The following PLCB1 variants were observed in gnomAD, a reference collection of about 807,000 sequenced individuals.
PLCB1 encodes 1-phosphatidylinositol 4,5-bisphosphate phosphodiesterase beta-1.
In PLCB1, 46 loss-of-function variants were observed where a neutral mutation model predicts 161.8. The ratio of observed to expected loss-of-function variants is 0.28; its 90% CI spans 0.22 to 0.36. The LOEUF is 0.36. PLCB1 is among the 10% of genes least tolerant of loss of function. The probability of loss-of-function intolerance (pLI) is 1.00; values close to 1 mark genes in which losing one functional copy is unlikely to be tolerated. For synonymous variants in PLCB1, 517 were observed against 503.7 expected, an observed-to-expected ratio of 1.03 and a Z score of -0.35; for missense variants, 1,016 against 1,472.5, an observed-to-expected ratio of 0.69 and a Z score of 5.07.
At chr20:8,424,811 A>C (rs1979680734) in intron 3 of PLCB1, among the ~76,000 whole-genome samples, 1 of 152,178 alleles carries the variant, frequency 6.6e-6, no homozygotes, top group African/African-American at 2.4e-5. Flanking sequence ...AGCAGAGCAA[A>C]GAAAGAATGA....
chr20:8,209,853 C>A (rs1414982653), intron 2 of PLCB1, among the ~76,000 whole-genome samples: 1 of 152,010 alleles, frequency 6.6e-6, no homozygotes, highest in Non-Finnish European at 1.5e-5. Flanking sequence ...ACACTTTAGC[C>A]ACTTCAATTT....
chr20:8,810,162 A>T (rs2146250927), intron 31 of PLCB1, among the ~76,000 whole-genome samples: 1 of 152,300 alleles, frequency 6.6e-6, no homozygotes, highest in Non-Finnish European at 1.5e-5. Context: ...AGTTGCTCAG[A>T]CTTTGAAAAT....
At chr20:8,620,103 C>T (rs1196295946) in intron 3 of PLCB1, among the ~76,000 whole-genome samples, 3 of 152,152 alleles carry the variant, frequency 2.0e-5, no homozygotes, top group Admixed American at 2.0e-4. Context: ...TGCCTGGTCA[C>T]CTTACAGCAT....
At chr20:8,522,391 G>A (rs1162786563) in intron 3 of PLCB1, among the ~76,000 whole-genome samples, 1 of 152,076 alleles carries the variant, frequency 6.6e-6, no homozygotes, top group Admixed American at 6.6e-5. Flanking sequence ...ATTCTGGCCT[G>A]TGGTTACGCT....
intron 4 of PLCB1, among the ~76,000 whole-genome samples, chr20:8,639,909 T>C: frequency 6.8e-6 from 1 of 146,994 alleles, no homozygotes. Context: ...AAAAAAAAAC[T>C]GTGTTTAAGA....
chr20:8,355,914 T>A (rs1456672678), intron 2 of PLCB1, among the ~76,000 whole-genome samples: 1 of 152,204 alleles, frequency 6.6e-6, no homozygotes, highest in African/African-American at 2.4e-5. Flanking sequence ...AAGAAATCAC[T>A]AGAGTCTCAG....
chr20:8,838,390 G>A (rs1259821042), intron 31 of PLCB1, among the ~76,000 whole-genome samples: 4 of 152,170 alleles, frequency 2.6e-5, no homozygotes, highest in South Asian at 2.1e-4. Flanking sequence ...TTTCACTGTG[G>A]TCCACCAGGC....
At chr20:8,726,495 T>C (rs1368692959) in intron 16 of PLCB1, among the ~76,000 whole-genome samples, 1 of 152,008 alleles carries the variant, frequency 6.6e-6, no homozygotes, top group Non-Finnish European at 1.5e-5. Flanking sequence ...TGGGGAGACC[T>C]CAGGAAACAA....
At chr20:8,139,850 C>A (rs1457852962) in intron 1 of PLCB1, among the ~76,000 whole-genome samples, 1 of 152,168 alleles carries the variant, frequency 6.6e-6, no homozygotes, top group African/African-American at 2.4e-5. Context: ...ATCTGGACTT[C>A]TAAAGCTACA....
At chr20:8,780,113 A>G (rs1983139266) in intron 27 of PLCB1, among the ~76,000 whole-genome samples, 1 of 152,178 alleles carries the variant, frequency 6.6e-6, no homozygotes, top group Non-Finnish European at 1.5e-5. Context: ...GTTTTTCATC[A>G]ACTGCTACTG....
chr20:8,785,668 G>C (rs1381978040), intron 27 of PLCB1, among the ~76,000 whole-genome samples: 2 of 152,148 alleles, frequency 1.3e-5, no homozygotes, highest in Non-Finnish European at 2.9e-5. Flanking sequence ...ACTGACAGTG[G>C]TGTGGAGCCT....
chr20:8,806,675 A>G (rs1398952749), intron 31 of PLCB1, among the ~76,000 whole-genome samples: 2 of 152,188 alleles, frequency 1.3e-5, no homozygotes, highest in African/African-American at 4.8e-5. Context: ...GAGGAGTTAG[A>G]GTACACGTTG....
intron 2 of PLCB1, among the ~76,000 whole-genome samples, chr20:8,266,942 G>A (rs984231260): frequency 3.9e-5 from 6 of 151,908 alleles, no homozygotes; most frequent in Admixed American, 3.9e-4. Context: ...GGGATGCTGA[G>A]GCAAGAATCG....
intron 3 of PLCB1, among the ~76,000 whole-genome samples, chr20:8,580,445 T>C (rs912039232): frequency 3.3e-5 from 5 of 152,218 alleles, no homozygotes; most frequent in African/African-American, 1.2e-4. Context: ...GTTAACTTCT[T>C]GCTATACTGT....
intron 3 of PLCB1, among the ~76,000 whole-genome samples, chr20:8,493,240 C>G (rs1054053376): frequency 6.6e-6 from 1 of 152,086 alleles, no homozygotes; most frequent in African/African-American, 2.4e-5. Context: ...CATTTCTGGT[C>G]ATCAAGGGCA....
chr20:8,468,958 A>C (rs6055835), intron 3 of PLCB1, among the ~76,000 whole-genome samples: 4,926 of 152,186 alleles, frequency 0.032, 260 homozygotes, highest in African/African-American at 0.11. Context: ...AGGGTACATT[A>C]GAGTCACCTA....
intron 2 of PLCB1, among the ~76,000 whole-genome samples, chr20:8,316,849 G>T (rs905476599): frequency 7.9e-5 from 12 of 152,044 alleles, no homozygotes; most frequent in African/African-American, 2.9e-4. Flanking sequence ...GGGGATCATA[G>T]GACTCTTGTT....
intron 31 of PLCB1, among the ~76,000 whole-genome samples, chr20:8,856,532 G>A (rs938376328): frequency 1.3e-5 from 2 of 152,038 alleles, no homozygotes; most frequent in African/African-American, 2.4e-5. Flanking sequence ...CATGAGAATT[G>A]CTTCAGCCAG....
At chr20:8,417,373 AAC>A (rs1276806744) in intron 3 of PLCB1, among the ~76,000 whole-genome samples, 2 of 151,688 alleles carry the variant, frequency 1.3e-5, no homozygotes, top group Admixed American at 1.3e-4. Flanking sequence ...CCACATTTAT[AAC>A]ACACACATAT....
Sources: allele counts gnomAD v4.1 joint callset (sites outside exome capture counted in the v4.1 genomes callset), GRCh38; gene constraint gnomAD v4.1.1; transcripts MANE v1.5; gene names NCBI Gene and HGNC (gene_info 2026-07-23, HGNC 2026-07-21).